Variants in CCNB3 observed in about 807,000 individuals in gnomAD.
CCNB3 encodes the protein G2/mitotic-specific cyclin-B3.
A neutral mutation model predicts 68.0 loss-of-function variants in CCNB3; 12 were observed. The observed-to-expected ratio is 0.18, with a 90% CI of 0.11 to 0.29. The LOEUF (loss-of-function observed/expected upper bound fraction) is 0.29, where lower values mean the gene tolerates loss of function less well. CCNB3 is among the 10% of genes least tolerant of loss of function. CCNB3 has a pLI of 1.00. For synonymous variants in CCNB3, 354 were observed against 388.9 expected (o/e 0.91, Z 1.06); for missense variants, 904 against 993.1 (o/e 0.91, Z 1.21).
chrX:50,332,157 G>A (rs781860949), intron 8 of CCNB3, among the ~76,000 whole-genome samples: 4 of 111,307 alleles, frequency 3.6e-5, no homozygotes, highest in African/African-American at 9.8e-5. Context: ...TTATGCATTT[G>A]GGCACCCTTT....
Position 50,344,707 on chromosome X carries a change from A to G in CCNB3, c.3655-1945A>G, listed in dbSNP as rs782280369. On this transcript the variant is annotated intron_variant, in intron 9 of 12. Transcript: ENST00000376042. Reference sequence around the variant, plus strand: ...CTAACCAGGGTGCTGGAGACATTTAAGAGAAAATGGCGTGATGTTGATGGC... The same window carrying G: ...CTAACCAGGGTGCTGGAGACATTTAGGAGAAAATGGCGTGATGTTGATGGC... Among the ~76,000 whole-genome samples the G allele has an allele frequency of 7.2e-5, 8 of 111,878 alleles. No homozygotes were observed. In the South Asian group the frequency reaches 2.6e-3, roughly 37 times the overall value.
chrX:50,310,966 C>T lies in CCNB3; in HGVS notation c.2797C>T (p.Leu933=), dbSNP rs1409312075. 1 of 1,210,486 alleles carries T rather than the reference C, an allele frequency of 8.3e-7. No homozygotes were observed. Among genetic ancestry groups the T allele is most frequent in the Non-Finnish European group, 1.1e-6 (1 of 895,377 alleles). Residue 933 remains leucine (L), a synonymous_variant, in exon 6 of 13, where the codon CTG becomes TTG. Coordinates refer to ENST00000376042, the MANE Select transcript of CCNB3 (RefSeq NM_033031.3). The part of the protein sequence containing the change: ...EAVLFEDMIA[L]NEKPTTGKEL... ...AGTCCTCTTCGAAGATATGATAGCT[C>T]TGAATGAGAAACCCACCACTGGGAA...
intron 7 of CCNB3, 102 bp downstream of exon 7, chrX:50,312,734 A>C (rs1482713070): frequency 1.5e-5 from 8 of 520,931 alleles, no homozygotes; most frequent in Non-Finnish European, 2.6e-5. Context: ...AATGATGATA[A>C]AAATAATAAT....
In CCNB3 at chrX:50,311,578, T is replaced by C. The variant is rs192481077; in HGVS notation, c.3327+82T>C. The C allele has an allele frequency of 3.9e-6, 3 of 769,652 alleles. No individual in the cohort carries two copies. The African/African-American group carries it at 6.5e-5, about 17-fold the overall frequency. 63.4% of individuals were successfully genotyped at this position (769,652 alleles called of 1,213,427 possible). A position where few individuals can be genotyped will look rare whatever the true frequency, so the allele number is the denominator to read the frequency against. ...TGGCTGCTAGCAAAGTTGTTTTTTTTTTTTTGTTTTTGTTTTTTGTTGTTG... is the reference window on the plus strand; with the variant it reads ...TGGCTGCTAGCAAAGTTGTTTTTTTCTTTTTGTTTTTGTTTTTTGTTGTTG... On this transcript the variant is annotated intron_variant, in intron 6 of 12. Coordinates refer to ENST00000376042, the MANE Select transcript of CCNB3 (RefSeq NM_033031.3).
Position 50,308,511 on chromosome X carries a change from G to A in CCNB3, c.342G>A (p.Lys114=). The stretch of plus-strand genomic sequence containing the variant: ...GACATTGTTTCCTTCACAGGCATAA[G>A]CTGGAAGTCACACCAGTAGTAGCCT... ...KKNKRNLKWH[K]LEVTPVVAST... The change falls in exon 6 of 13, where the codon AAG becomes AAA. Residue 114 remains lysine (K), a synonymous_variant. Transcript: ENST00000376042. The A allele has an allele frequency of 1.7e-6, 2 of 1,185,275 alleles. No homozygotes were observed. Among genetic ancestry groups the A allele is most frequent in the Non-Finnish European group, 2.3e-6 (2 of 876,352 alleles).
At chrX:50,318,782 C>T (rs782188457) in intron 8 of CCNB3, among the ~76,000 whole-genome samples, 4 of 111,492 alleles carry the variant, frequency 3.6e-5, no homozygotes, top group East Asian at 2.9e-4. Context: ...AAAACTTCCC[C>T]GAATGTTAAT....
intron 10 of CCNB3, among the ~76,000 whole-genome samples, chrX:50,347,060 C>T (rs1471134713): frequency 1.8e-5 from 2 of 110,652 alleles, no homozygotes; most frequent in Non-Finnish European, 3.8e-5. Flanking sequence ...GGAGGAGAAA[C>T]GTTTCTTTTA....
At position 50,347,790 on chromosome X, in the gene CCNB3, G is replaced by A; in HGVS notation, c.3960+15G>A. The A allele has an allele frequency of 1.7e-6, 2 of 1,204,510 alleles. No individual in the cohort carries two copies. The highest frequency in any genetic ancestry group is 3.6e-5 in the South Asian group (2 of 55,919). ...TCGGATACTGGGTAAACACTTGCGA[G>A]ATAGGGGTATAGGGGTAGAGATTTA... On this transcript the variant is annotated intron_variant, in intron 11 of 12. Transcript: ENST00000376042.
At chrX:50,290,204 A>C (rs1936325570) in intron 4 of CCNB3, among the ~76,000 whole-genome samples, 1 of 112,002 alleles carries the variant, frequency 8.9e-6, no homozygotes, top group Non-Finnish European at 1.9e-5. Flanking sequence ...GTCTAAGTCC[A>C]TGTGGGCAAT....
chrX:50,226,468 A>AAT (rs1256379651), intron 1 of CCNB3, among the ~76,000 whole-genome samples: 2,931 of 63,600 alleles, frequency 0.046, 289 homozygotes, highest in African/African-American at 0.19. Context: ...ATATATATAG[A>AAT]ATATATATAA....
chrX:50,293,539 T>G (rs1465947459), intron 4 of CCNB3, among the ~76,000 whole-genome samples: 3 of 111,628 alleles, frequency 2.7e-5, no homozygotes, highest in African/African-American at 6.5e-5. Flanking sequence ...TAGGAAATCA[T>G]GAATTCATGC....
intron 1 of CCNB3, among the ~76,000 whole-genome samples, chrX:50,223,210 G>A (rs1935700571): frequency 9.0e-6 from 1 of 110,749 alleles, no homozygotes; most frequent in Non-Finnish European, 1.9e-5. Context: ...GTTAGAACAT[G>A]CTCCTTTAGC....
intron 9 of CCNB3, among the ~76,000 whole-genome samples, chrX:50,345,562 C>T (rs1557220182): frequency 1.8e-5 from 2 of 111,154 alleles, no homozygotes; most frequent in African/African-American, 6.6e-5. Flanking sequence ...TCTCTCCCTT[C>T]CTTTTTTACT....
chrX:50,290,415 G>A (rs995060733), intron 4 of CCNB3, among the ~76,000 whole-genome samples: 2 of 111,052 alleles, frequency 1.8e-5, no homozygotes, highest in Non-Finnish European at 1.9e-5. Context: ...CTTTTATAAG[G>A]GCACTAATCC....
chrX:50,295,776 C>T (rs1557210806), intron 5 of CCNB3, among the ~76,000 whole-genome samples: 2 of 111,423 alleles, frequency 1.8e-5, no homozygotes, highest in African/African-American at 6.5e-5. Flanking sequence ...ACATGTAGGG[C>T]TGCTATTTAG....
At chrX:50,211,319 G>A (rs1382815004) in intron 1 of CCNB3, among the ~76,000 whole-genome samples, 2 of 110,760 alleles carry the variant, frequency 1.8e-5, no homozygotes, top group Non-Finnish European at 3.8e-5. Flanking sequence ...GTATTATTTC[G>A]TGAAAAAATC....
intron 1 of CCNB3, among the ~76,000 whole-genome samples, chrX:50,279,322 T>TTTAA (rs1557208326): frequency 0.035 from 2,563 of 74,285 alleles, 152 homozygotes; most frequent in African/African-American, 0.14. Flanking sequence ...TTAATATATA[T>TTTAA]TTAAATATAT....
At chrX:50,340,661 C>G (rs1237018115) in intron 8 of CCNB3, among the ~76,000 whole-genome samples, 1 of 112,094 alleles carries the variant, frequency 8.9e-6, no homozygotes, top group African/African-American at 3.2e-5. Flanking sequence ...GTATTATCTA[C>G]TTGATAAGAT....
At chrX:50,224,821 A>T (rs1935727422) in intron 1 of CCNB3, among the ~76,000 whole-genome samples, 1 of 111,598 alleles carries the variant, frequency 9.0e-6, no homozygotes, top group Non-Finnish European at 1.9e-5. Flanking sequence ...CTGGAATCAG[A>T]CTACTTGTGT....
Sources: allele counts gnomAD v4.1 joint callset (sites outside exome capture counted in the v4.1 genomes callset), GRCh38; gene constraint gnomAD v4.1.1; transcripts MANE v1.5; gene names NCBI Gene and HGNC (gene_info 2026-07-23, HGNC 2026-07-21).